Variants in UNC79 observed in about 807,000 individuals in gnomAD.
The protein encoded by UNC79 is protein unc-79 homolog.
Under a neutral mutation model 283.1 loss-of-function variants are expected in UNC79, and 37 were observed. The ratio of observed to expected loss-of-function variants is 0.13; its 90% CI spans 0.10 to 0.17. The LOEUF (loss-of-function observed/expected upper bound fraction) is 0.17. Ranked by LOEUF, UNC79 falls within the 10% of genes least tolerant of loss-of-function variation. The probability of loss-of-function intolerance (pLI) is 1.00; values close to 1 mark genes in which losing one functional copy is unlikely to be tolerated. For synonymous variants in UNC79, 1,107 were observed against 1,200.2 expected (o/e 0.92, Z 1.61); for missense variants, 2,272 against 3,211.1 (o/e 0.71, Z 7.07).
At chr14:93,423,695 C>T (rs2055660894) in intron 1 of UNC79, among the ~76,000 whole-genome samples, 1 of 152,154 alleles carries the variant, frequency 6.6e-6, no homozygotes, top group Non-Finnish European at 1.5e-5. Context: ...CTATTTCTCA[C>T]CATATACAAA....
exon 40 of UNC79, chr14:93,662,629 T>C: frequency 6.2e-7 from 1 of 1,609,158 alleles, no homozygotes; most frequent in Non-Finnish European, 8.5e-7. Flanking sequence ...TTTTCAAAAC[T>C]GCTCAGCTTT....
chr14:93,534,915 G>A (rs1478561810), intron 11 of UNC79, among the ~76,000 whole-genome samples: 3 of 152,104 alleles, frequency 2.0e-5, no homozygotes, highest in Admixed American at 2.0e-4. Flanking sequence ...ACATTAATTT[G>A]GAGAATTTCC....
At chr14:93,419,170 C>CTTTT (rs1230763519) in intron 1 of UNC79, among the ~76,000 whole-genome samples, 1 of 140,824 alleles carries the variant, frequency 7.1e-6, no homozygotes, top group Non-Finnish European at 1.6e-5. Flanking sequence ...GGCTCCACAC[C>CTTTT]TTTTTTTTTT....
At chr14:93,463,388 A>G (rs544863005) in intron 1 of UNC79, among the ~76,000 whole-genome samples, 1 of 152,286 alleles carries the variant, frequency 6.6e-6, no homozygotes, top group African/African-American at 2.4e-5. Context: ...AATGTGTGCA[A>G]GACTCTTCAT....
chr14:93,349,513 C>T (rs574325006), intron 1 of UNC79, among the ~76,000 whole-genome samples: 4 of 152,270 alleles, frequency 2.6e-5, no homozygotes, highest in African/African-American at 9.6e-5. Flanking sequence ...TAAGGTTATA[C>T]CCCAGTCCCC....
chr14:93,371,373 C>T lies in UNC79; in HGVS notation c.-351+37850C>T, dbSNP rs562174104. Among the ~76,000 whole-genome samples the T allele has an allele frequency of 5.3e-5, 8 of 151,822 alleles. No homozygotes were observed. In the East Asian group the frequency reaches 5.8e-4, roughly 11 times the overall value. On this transcript the variant is annotated intron_variant, in intron 1 of 49. Transcript: ENST00000256339. The stretch of plus-strand genomic sequence containing the variant: ...TGGCACTCCAGCCTGGGTGGCAGAG[C>T]GAGACTCCATCTCAAAAAAACAAAA...
intron 1 of UNC79, among the ~76,000 whole-genome samples, chr14:93,419,013 C>T (rs553129674): frequency 3.3e-5 from 5 of 151,888 alleles, no homozygotes; most frequent in South Asian, 2.1e-4. Flanking sequence ...GGCTCATGCA[C>T]GGTGCGCTGC....
intron 1 of UNC79, among the ~76,000 whole-genome samples, chr14:93,431,732 G>A (rs2055887319): frequency 6.6e-6 from 1 of 152,240 alleles, no homozygotes; most frequent in Non-Finnish European, 1.5e-5. Flanking sequence ...GCAGCCCATA[G>A]CACCGGAGGA....
intron 32 of UNC79, among the ~76,000 whole-genome samples, chr14:93,640,122 A>G (rs997440148): frequency 3.3e-5 from 5 of 152,144 alleles, no homozygotes; most frequent in East Asian, 3.9e-4. Flanking sequence ...TCTGTCTTGC[A>G]CTAGTGGCTT....
rs768793503 is a variant in UNC79 at position 93,593,702 on chromosome 14, G to A, written c.3055G>A (p.Glu1019Lys). The stretch of plus-strand genomic sequence containing the variant: ...TAGCCTGTGGAGGGTCGTCAAATCC[G>A]AGTTCTCTCAGCTGTCTTCCCTGGC... Residue 1019 changes from glutamate to lysine, a missense_variant, in exon 23 of 49, where the codon GAG becomes AAG. Physicochemically the swap from Glu to Lys is moderately conservative, Grantham distance 56. This residue lies in a region of UNC79 where 237 missense variants were observed against 378.9 expected (regional missense o/e 0.63). Transcript: ENST00000555664. 28 of 1,612,230 alleles carry A rather than the reference G, an allele frequency of 1.7e-5. No individual in the cohort carries two copies. The South Asian group carries it at 2.8e-4, about 16-fold the overall frequency.
intron 16 of UNC79, among the ~76,000 whole-genome samples, chr14:93,574,348 G>A (rs918414714): frequency 1.3e-5 from 2 of 152,174 alleles, no homozygotes; most frequent in African/African-American, 4.8e-5. Context: ...AGTGGTTAGA[G>A]TTGACTCATT....
chr14:93,639,869 A>G (rs1305496294), intron 32 of UNC79, among the ~76,000 whole-genome samples: 2 of 152,116 alleles, frequency 1.3e-5, no homozygotes, highest in Admixed American at 6.6e-5. Context: ...TCATTCTCCT[A>G]TTTGAGGAAA....
intron 27 of UNC79, among the ~76,000 whole-genome samples, chr14:93,616,890 ATAAT>A (rs555609484): frequency 4.6e-5 from 7 of 152,220 alleles, no homozygotes; most frequent in African/African-American, 1.4e-4. Flanking sequence ...ACTGAAACAA[ATAAT>A]TAATTAGATT....
In UNC79 at chr14:93,603,228, C is replaced by G. The variant is rs1183256103; in HGVS notation, c.3575-11C>G. 6.2e-7 allele frequency: 1 copy of G among 1,613,618 alleles called. No homozygotes were observed. Among genetic ancestry groups the G allele is most frequent in the Non-Finnish European group, 8.5e-7 (1 of 1,179,784 alleles). On this transcript the variant is annotated splice_polypyrimidine_tract_variant and intron_variant, in intron 25 of 48. Coordinates refer to ENST00000555664, the Ensembl canonical transcript of UNC79. ...AGGAGAGTGATAGTCTCTTTAATTC[C>G]TTTTGCAAAGCCATCACTGCTGTGA...
At chr14:93,488,625 T>G (rs2058569263) in intron 5 of UNC79, among the ~76,000 whole-genome samples, 2 of 152,262 alleles carry the variant, frequency 1.3e-5, no homozygotes. Flanking sequence ...TCTGTCTTAG[T>G]CCGTTGGGTT....
chr14:93,673,644 G>C (rs955865781), intron 41 of UNC79, among the ~76,000 whole-genome samples, 189 bp downstream of exon 44: 19 of 152,070 alleles, frequency 1.2e-4, no homozygotes, highest in Admixed American at 1.2e-3. Flanking sequence ...AAAAGTCCAA[G>C]AAGGAGTATT....
At position 93,465,237 on chromosome 14, in the gene UNC79, T is replaced by C. The variant is rs1595529446; in HGVS notation, c.23-2434T>C. 2.6e-5 allele frequency among the ~76,000 whole-genome samples: 4 copies of C among 152,280 alleles called. No individual in the cohort carries two copies. The South Asian group carries it at 6.2e-4, about 24-fold the overall frequency. On this transcript the variant is annotated intron_variant, in intron 1 of 48. Transcript: ENST00000555664. ...TATATGCAGGTATATATGTGTATAG[T>C]GTACATATATATGCAGATATGTATA...
chr14:93,575,100 A>G, exon 17 of UNC79: 1 of 1,613,860 alleles, frequency 6.2e-7, no homozygotes, highest in Non-Finnish European at 8.5e-7. Flanking sequence ...TCAACTACTA[A>G]TAAGTATGTT....
chr14:93,696,665 G>GT (rs1397440530), intron 47 of UNC79, among the ~76,000 whole-genome samples: 1 of 151,772 alleles, frequency 6.6e-6, no homozygotes, highest in Non-Finnish European at 1.5e-5. Context: ...ATTGGGTTGG[G>GT]TTTTTTCCTG....
Sources: allele counts gnomAD v4.1 joint callset (sites outside exome capture counted in the v4.1 genomes callset), GRCh38; gene constraint gnomAD v4.1.1; regional missense constraint gnomAD v4.1.1; transcripts MANE v1.5; gene names NCBI Gene and HGNC (gene_info 2026-07-23, HGNC 2026-07-21).